The following FERMT1 variants were observed in gnomAD, a reference collection of about 807,000 sequenced individuals.
The protein encoded by FERMT1 is fermitin family homolog 1.
A neutral mutation model predicts 85.3 loss-of-function variants in FERMT1; 60 were observed. That is an observed-to-expected ratio of 0.70 (90% CI 0.57 to 0.87). FERMT1 has a LOEUF of 0.87. Ranked by LOEUF, FERMT1 falls within the 40% of genes least tolerant of loss-of-function variation. The probability of loss-of-function intolerance (pLI) is 0.00; values close to 1 mark genes in which losing one functional copy is unlikely to be tolerated. For synonymous variants in FERMT1, 275 were observed against 301.1 expected (o/e 0.91, Z 0.90); for missense variants, 701 against 818.9 (o/e 0.86, Z 1.76).
intron 9 of FERMT1, among the ~76,000 whole-genome samples, chr20:6,093,659 T>C (rs16991823): frequency 0.077 from 11,789 of 152,244 alleles, 1,033 homozygotes; most frequent in East Asian, 0.47. Flanking sequence ...GCCAGGGAAG[T>C]TAAATGAATG....
intron 14 of FERMT1, among the ~76,000 whole-genome samples, 162 bp from the exon 15 acceptor site, chr20:6,077,508 C>T (rs771689595): frequency 3.3e-5 from 5 of 152,060 alleles, no homozygotes; most frequent in African/African-American, 4.8e-5. Context: ...TAAACGCTTC[C>T]AGAAAACATC....
intron 5 of FERMT1, among the ~76,000 whole-genome samples, chr20:6,108,146 G>A (rs967461207): frequency 3.9e-5 from 6 of 152,164 alleles, no homozygotes; most frequent in South Asian, 4.1e-4. Context: ...GATTACAGGC[G>A]TGGGCCACTG....
chr20:6,086,721 G>A (rs1982197689), intron 11 of FERMT1, among the ~76,000 whole-genome samples: 2 of 152,108 alleles, frequency 1.3e-5, no homozygotes, highest in South Asian at 2.1e-4. Flanking sequence ...TTAAAAGTGT[G>A]TGGCACTTCC....
At chr20:6,109,336 A>G (rs142205134) in intron 5 of FERMT1, among the ~76,000 whole-genome samples, 26 of 152,310 alleles carry the variant, frequency 1.7e-4, no homozygotes, top group African/African-American at 6.0e-4. Flanking sequence ...GGGACTGAAC[A>G]GTTGGTAAAG....
At chr20:6,084,922 A>G (rs987050694) in intron 12 of FERMT1, 144 bp downstream of exon 12, 35 of 728,196 alleles carry the variant, frequency 4.8e-5, no homozygotes, top group Non-Finnish European at 5.0e-5. Context: ...TGAACTCCCA[A>G]CTTCAAGTGA....
intron 6 of FERMT1, among the ~76,000 whole-genome samples, chr20:6,101,113 A>T (rs576055504): frequency 2.0e-5 from 3 of 152,236 alleles, no homozygotes; most frequent in Non-Finnish European, 1.5e-5. Flanking sequence ...ATCTACCTAC[A>T]TTACAAATAC....
At chr20:6,102,298 G>A (rs957767375) in intron 6 of FERMT1, among the ~76,000 whole-genome samples, 2 of 152,062 alleles carry the variant, frequency 1.3e-5, no homozygotes, top group Non-Finnish European at 2.9e-5. Flanking sequence ...AACTCTTTCA[G>A]TGGGTTCTCC....
At chr20:6,099,232 G>A (rs1008194686) in intron 6 of FERMT1, among the ~76,000 whole-genome samples, 9 of 151,840 alleles carry the variant, frequency 5.9e-5, no homozygotes, top group African/African-American at 1.5e-4. Flanking sequence ...GTGAAACCCC[G>A]TCTCTACTAA....
intron 9 of FERMT1, among the ~76,000 whole-genome samples, chr20:6,090,481 G>A (rs1007906847): frequency 2.6e-5 from 4 of 152,012 alleles, no homozygotes; most frequent in African/African-American, 9.7e-5. Flanking sequence ...AAAAGTATAT[G>A]CTGGGTGCCA....
At chr20:6,110,663 C>A (rs528821717) in intron 4 of FERMT1, 152 bp from the exon 5 acceptor site, 13 of 689,386 alleles carry the variant, frequency 1.9e-5, no homozygotes, top group Non-Finnish European at 3.3e-5. Context: ...CTGTGGCCCG[C>A]GTCTATAATC....
intron 2 of FERMT1, among the ~76,000 whole-genome samples, chr20:6,116,368 T>TA (rs1413326429): frequency 1.3e-5 from 2 of 150,332 alleles, no homozygotes; most frequent in African/African-American, 2.5e-5. Flanking sequence ...TAAAGTAAAA[T>TA]AAAAAACATT....
At chr20:6,121,198 C>T (rs1467763172) in intron 1 of FERMT1, among the ~76,000 whole-genome samples, 1 of 152,218 alleles carries the variant, frequency 6.6e-6, no homozygotes, top group Non-Finnish European at 1.5e-5. Context: ...TCTTAGCTCA[C>T]TGCAACCTCT....
rs1460937174 is a variant in FERMT1 at position 6,097,766 on chromosome 20, T to C, written c.850-135A>G. On this transcript the variant is annotated intron_variant, in intron 6 of 14. Transcript: ENST00000217289. ...CAGCTCAGGTAAGTGAAAGGAATACTTCTATTGTGCCATATACTCAGCACT... is the reference window on the plus strand; with the variant it reads ...CAGCTCAGGTAAGTGAAAGGAATACCTCTATTGTGCCATATACTCAGCACT... 1.1e-5 allele frequency: 8 copies of C among 729,598 alleles called. No homozygotes were observed. In the Admixed American group the frequency reaches 1.4e-4, roughly 13 times the overall value. The allele number at this position is 729,598 out of a possible 1,614,324, so 45.2% of individuals were successfully genotyped here.
At chr20:6,087,389 C>T (rs1982215689) in intron 11 of FERMT1, among the ~76,000 whole-genome samples, 1 of 152,188 alleles carries the variant, frequency 6.6e-6, no homozygotes, top group Non-Finnish European at 1.5e-5. Context: ...TGGCTCACTG[C>T]AAACTCTGCA....
chr20:6,096,762 G>T, intron 8 of FERMT1, 140 bp downstream of exon 8: 1 of 949,294 alleles, frequency 1.1e-6, no homozygotes, highest in African/African-American at 1.7e-5. Context: ...CTAGGTTGAA[G>T]CTTGTTAGGT....
At chr20:6,110,652 A>T (rs2123141645) in intron 4 of FERMT1, 141 bp from the exon 5 acceptor site, 1 of 725,406 alleles carries the variant, frequency 1.4e-6, no homozygotes, top group East Asian at 2.7e-5. Context: ...CAAGCTGGGC[A>T]CTGTGGCCCG....
Position 6,091,475 on chromosome 20 carries a change from G to A in FERMT1, c.1140-2386C>T, listed in dbSNP as rs184317811. On this transcript the variant is annotated intron_variant, in intron 9 of 14. Transcript: ENST00000217289. The stretch of plus-strand genomic sequence containing the variant: ...GAACTCCTGAGAGCTCAAGTGATCC[G>A]CCCACCTTGGCCTCCCAAAGTGCTG... Among the ~76,000 whole-genome samples, 819 of 152,002 alleles carry A rather than the reference G, an allele frequency of 5.4e-3. 8 individuals carry two copies. Among genetic ancestry groups the A allele is most frequent in the African/African-American group, 0.019 (785 of 41,490 alleles).
Position 6,089,002 on chromosome 20 carries a change from A to G in FERMT1, c.1227T>C (p.Leu409=), listed in dbSNP as rs139181861. The G allele has an allele frequency of 1.2e-6, 2 of 1,612,226 alleles. No individual in the cohort carries two copies. The highest frequency in any genetic ancestry group is 2.7e-5 in the African/African-American group (2 of 74,978). ...GTTTTTCTAGTGGTTCTCCTTGTTC[A>G]AGTTCCTTATTTTTAAAGTATGCTA... The part of the protein sequence containing the change: ...TSIAYFKNKE[L]EQGEPLEKLN... Residue 409 remains leucine (L), a synonymous_variant, in exon 10 of 15, where the codon CTT becomes CTC. Transcript: ENST00000217289.
chr20:6,107,973 C>A (rs1346805238), intron 5 of FERMT1, among the ~76,000 whole-genome samples: 2 of 152,210 alleles, frequency 1.3e-5, no homozygotes, highest in Non-Finnish European at 2.9e-5. Context: ...TCAAGCGATT[C>A]TCTTGCCTCA....
Sources: gnomAD v4.1 joint callset for allele counts (sites outside exome capture counted in the v4.1 genomes callset) on GRCh38, gnomAD v4.1.1 for gene constraint, MANE v1.5 for transcripts, NCBI Gene and HGNC (gene_info 2026-07-23, HGNC 2026-07-21) for gene names.